Variants in ZNF274 observed in about 807,000 individuals in gnomAD.
ZNF274 encodes zinc finger protein 274.
ZNF274 carries 23 observed loss-of-function variants against 42.5 expected under a neutral mutation model. That is an observed-to-expected ratio of 0.54 (90% CI 0.39 to 0.77). The LOEUF is 0.77. Among genes scored for constraint, ZNF274 ranks in the 30% least tolerant of loss-of-function variants. ZNF274 has a pLI of 0.00. For missense variants in ZNF274, 679 were observed against 806.5 expected, an observed-to-expected ratio of 0.84 and a Z score of 1.91; for synonymous variants, 292 against 305.4, an observed-to-expected ratio of 0.96 and a Z score of 0.46.
Position 58,206,800 on chromosome 19 carries a change from G to A in ZNF274, c.337G>A (p.Val113Ile). ...SPLMNIEVVE[V>I]LTLNQEVAGP... is the part of the protein sequence containing the mutation. ...CCTAATGAACATTGAGGTTGTTGAG[G>A]TCCTCACACTGAACCAGGAGGTGGC... The change falls in exon 5 of 8, where the codon GTC (valine) becomes ATC (isoleucine). Residue 113 changes from valine (V) to isoleucine (I), a missense_variant. This residue lies in a region of ZNF274 where 223 missense variants were observed against 216.4 expected (regional missense o/e 1.03). Transcript: ENST00000617501. 1 of 1,613,864 alleles carries A rather than the reference G, an allele frequency of 6.2e-7. No homozygotes were observed. The highest frequency in any genetic ancestry group is 8.5e-7 in the Non-Finnish European group (1 of 1,179,840).
At chr19:58,188,623 ATAT>A (rs1568697531) in intron 4 of ZNF274, among the ~76,000 whole-genome samples, 14 of 21,670 alleles carry the variant, frequency 6.5e-4, no homozygotes, top group African/African-American at 3.3e-3. Flanking sequence ...AAAAAAAAAT[ATAT>A]ATATATATAT....
intron 4 of ZNF274, among the ~76,000 whole-genome samples, chr19:58,187,767 TCAGGCTGGAGTG>T (rs1469299135): frequency 6.6e-6 from 1 of 150,390 alleles, no homozygotes; most frequent in Non-Finnish European, 1.5e-5. Flanking sequence ...ACTCTGTTGC[TCAGGCTGGAGTG>T]CAGTGGTGTG....
At chr19:58,188,619 A>T (rs1600132992) in intron 4 of ZNF274, among the ~76,000 whole-genome samples, 3 of 47,400 alleles carry the variant, frequency 6.3e-5, no homozygotes, top group Non-Finnish European at 1.2e-4. Context: ...AAAAAAAAAA[A>T]AATATATATA....
intron 4 of ZNF274, among the ~76,000 whole-genome samples, chr19:58,204,742 GTTC>G (rs2075962193): frequency 6.6e-6 from 1 of 152,120 alleles, no homozygotes; most frequent in African/African-American, 2.4e-5. Flanking sequence ...AACACTACCC[GTTC>G]TTCCAGTTTT....
At position 58,186,943 on chromosome 19, in the gene ZNF274, G is replaced by C. The variant is rs760968392; in HGVS notation, c.161-4G>C. 2.5e-6 allele frequency: 4 copies of C among 1,612,914 alleles called. No individual in the cohort carries two copies. The African/African-American group carries it at 5.3e-5, about 22-fold the overall frequency. The stretch of plus-strand genomic sequence containing the variant: ...ACAAGCCCTGTCTCTTTTCCTTTGA[G>C]CAGAACATCAGCTTTCCAAACCAGA... On this transcript the variant is annotated splice_region_variant and splice_polypyrimidine_tract_variant and intron_variant, in intron 3 of 7. Coordinates refer to ENST00000617501, the MANE Select transcript of ZNF274 (RefSeq NM_133502.3).
chr19:58,184,159 A>G lies in ZNF274; in HGVS notation c.33+161A>G, dbSNP rs1246201761. 6 of 750,398 alleles carry G rather than the reference A, an allele frequency of 8.0e-6. No homozygotes were observed. The Admixed American group carries it at 1.4e-4, about 17-fold the overall frequency. 46.5% of individuals were successfully genotyped at this position (750,398 alleles called of 1,614,324 possible). A position where few individuals can be genotyped will look rare whatever the true frequency, so the allele number is the denominator to read the frequency against. The stretch of plus-strand genomic sequence containing the variant: ...ATGAGAGATCCTGCGTGATGGTGGA[A>G]CCGCAGGTTGCTTGGTTTTCCAAGG... On this transcript the variant is annotated intron_variant, in intron 2 of 7. Coordinates refer to ENST00000617501, the MANE Select transcript of ZNF274 (RefSeq NM_133502.3).
chr19:58,201,551 C>T (rs919985091), intron 4 of ZNF274, among the ~76,000 whole-genome samples: 11 of 150,530 alleles, frequency 7.3e-5, no homozygotes, highest in African/African-American at 2.7e-4. Flanking sequence ...GAGTCTTGCA[C>T]TGTCGCCCAG....
chr19:58,211,434 TCCC>T lies in ZNF274; in HGVS notation c.853-124_853-122del. ...CCCTGGGTTGGTGTCTCTGAGCAAA[TCCC>T]CAAAGCAGGAGAGTCCCTAGCACCG... On this transcript the variant is annotated intron_variant, in intron 6 of 7. Coordinates refer to ENST00000617501, the MANE Select transcript of ZNF274 (RefSeq NM_133502.3). This position sits in a 1 kb window ranked among gnomAD's most constrained non-coding sequence, Gnocchi z 4.8. The T allele has an allele frequency of 7.8e-7, 1 of 1,278,818 alleles. No individual in the cohort carries two copies. Among genetic ancestry groups the T allele is most frequent in the Non-Finnish European group, 1.0e-6 (1 of 953,542 alleles). 79.2% of individuals were successfully genotyped at this position (1,278,818 alleles called of 1,614,324 possible). A position where few individuals can be genotyped will look rare whatever the true frequency, so the allele number is the denominator to read the frequency against.
At chr19:58,187,654 G>A (rs2075716289) in intron 4 of ZNF274, among the ~76,000 whole-genome samples, 1 of 152,190 alleles carries the variant, frequency 6.6e-6, no homozygotes, top group South Asian at 2.1e-4. Flanking sequence ...CTGAGCTCAA[G>A]TGATCCATCC....
At chr19:58,196,317 T>C (rs916635544) in intron 4 of ZNF274, among the ~76,000 whole-genome samples, 1 of 152,164 alleles carries the variant, frequency 6.6e-6, no homozygotes, top group African/African-American at 2.4e-5. Flanking sequence ...TTGCAGCACT[T>C]TGAGAGGCCA....
At chr19:58,183,694 G>T in intron 1 of ZNF274, 1 of 416,772 alleles carries the variant, frequency 2.4e-6, no homozygotes, top group South Asian at 3.2e-5. Context: ...GGCCAGGGAG[G>T]CGATCCCCTC....
At position 58,212,405 on chromosome 19, in the gene ZNF274, C is replaced by T; in HGVS notation, c.1224C>T (p.Asn408=). Reference sequence around the variant, plus strand: ...TTGACAACCGTGAGTCCCAGGCAAACAGTGGTGCTCTTGACACAAACCAAG... The same window carrying T: ...TTGACAACCGTGAGTCCCAGGCAAATAGTGGTGCTCTTGACACAAACCAAG... ...KHFDNRESQA[N]SGALDTNQVS... is the part of the protein sequence containing the mutation. Residue 408 remains asparagine, a synonymous_variant, in exon 8 of 8, where the codon AAC becomes AAT. Coordinates refer to ENST00000617501, the MANE Select transcript of ZNF274 (RefSeq NM_133502.3). This position sits in a 1 kb window ranked among gnomAD's most constrained non-coding sequence, Gnocchi z 4.6. The T allele has an allele frequency of 1.2e-6, 2 of 1,613,108 alleles. No individual in the cohort carries two copies. The highest frequency in any genetic ancestry group is 1.7e-6 in the Non-Finnish European group (2 of 1,179,472).
rs2075994174 is a variant in ZNF274 at position 58,207,632 on chromosome 19, T to C, written c.739+430T>C. Among the ~76,000 whole-genome samples, 1 of 151,828 alleles carries C rather than the reference T, an allele frequency of 6.6e-6. No individual in the cohort carries two copies. Among genetic ancestry groups the C allele is most frequent in the Admixed American group, 6.6e-5 (1 of 15,238 alleles). On this transcript the variant is annotated intron_variant, in intron 5 of 7. Transcript: ENST00000617501. The surrounding 1 kb of genome is among the most constrained non-coding windows in gnomAD (Gnocchi z 5.6). ...ATGAAGGTCTGCAGCTGACACCTGGTGTGGAGTGGAACTTGGCCAGGGTAA... is the reference window on the plus strand; with the variant it reads ...ATGAAGGTCTGCAGCTGACACCTGGCGTGGAGTGGAACTTGGCCAGGGTAA...
intron 4 of ZNF274, among the ~76,000 whole-genome samples, chr19:58,194,015 C>T (rs748372767): frequency 5.3e-5 from 8 of 152,158 alleles, no homozygotes; most frequent in African/African-American, 7.2e-5. Flanking sequence ...GTAATCCCAA[C>T]ACTTTGGGAT....
rs771025594 is a variant in ZNF274 at position 58,213,288 on chromosome 19, T to G, written c.*145T>G. 35 of 961,166 alleles carry G rather than the reference T, an allele frequency of 3.6e-5. No individual in the cohort carries two copies. Among genetic ancestry groups the G allele is most frequent in the Non-Finnish European group, 4.6e-5 (32 of 688,428 alleles). 59.5% of individuals were successfully genotyped at this position (961,166 alleles called of 1,614,324 possible). Reference sequence around the variant, plus strand: ...AAAACCAAAGGACAACTGAGGAGACTGCCCAGCACATAATGAATAAATAAG... The same window carrying G: ...AAAACCAAAGGACAACTGAGGAGACGGCCCAGCACATAATGAATAAATAAG... On this transcript the variant is annotated 3_prime_UTR_variant, in exon 8 of 8. Transcript: ENST00000617501.
At chr19:58,185,899 GA>G in intron 3 of ZNF274, 61 bp downstream of exon 3, 1 of 1,313,362 alleles carries the variant, frequency 7.6e-7, no homozygotes, top group Non-Finnish European at 9.8e-7. Flanking sequence ...TAGCACCTCT[GA>G]AGTATGTGTC....
chr19:58,203,264 C>CT (rs1191431501), intron 4 of ZNF274, among the ~76,000 whole-genome samples: 1 of 152,108 alleles, frequency 6.6e-6, no homozygotes, highest in Non-Finnish European at 1.5e-5. Context: ...TCCCCAGCTG[C>CT]TTCTCAGGAA....
In ZNF274 at chr19:58,213,179, C is replaced by A; in HGVS notation, c.*36C>A. The A allele has an allele frequency of 6.4e-7, 1 of 1,570,592 alleles. No individual in the cohort carries two copies. ...AGTTGAAGAAACCTTGCCTTTTCAG[C>A]TTGACCCTGCAATATAACATGCACA... On this transcript the variant is annotated 3_prime_UTR_variant, in exon 8 of 8. Coordinates refer to ENST00000617501, the MANE Select transcript of ZNF274 (RefSeq NM_133502.3).
chr19:58,193,946 ATATC>A (rs2075808354), intron 4 of ZNF274, among the ~76,000 whole-genome samples: 1 of 151,914 alleles, frequency 6.6e-6, no homozygotes, highest in Admixed American at 6.6e-5. Context: ...ATCTATATCT[ATATC>A]TATATATCTA....
Sources: allele counts gnomAD v4.1 joint callset (sites outside exome capture counted in the v4.1 genomes callset), GRCh38; gene constraint gnomAD v4.1.1; regional missense constraint gnomAD v4.1.1; non-coding constraint Gnocchi (gnomAD v3.1); transcripts MANE v1.5; gene names NCBI Gene and HGNC (gene_info 2026-07-23, HGNC 2026-07-21).